Variants in PLCE1 observed in about 807,000 individuals in gnomAD.
The protein encoded by PLCE1 is 1-phosphatidylinositol 4,5-bisphosphate phosphodiesterase epsilon-1.
In PLCE1, 119 loss-of-function variants were observed where a neutral mutation model predicts 242.8. The observed-to-expected ratio is 0.49, with a 90% CI of 0.42 to 0.57. The LOEUF (loss-of-function observed/expected upper bound fraction) is 0.57, where lower values mean the gene tolerates loss of function less well. Ranked by LOEUF, PLCE1 falls within the 20% of genes least tolerant of loss-of-function variation. PLCE1 has a pLI of 0.00. For missense variants in PLCE1, 2,441 were observed against 2,788.8 expected (o/e 0.88, Z 2.81); for synonymous variants, 945 against 1,017.4 (o/e 0.93, Z 1.35).
chr10:94,283,784 T>C lies in PLCE1; in HGVS notation c.4796-6T>C. The C allele has an allele frequency of 6.2e-7, 1 of 1,610,358 alleles. No individual in the cohort carries two copies. The highest frequency in any genetic ancestry group is 8.5e-7 in the Non-Finnish European group (1 of 1,177,554). On this transcript the variant is annotated splice_region_variant and splice_polypyrimidine_tract_variant and intron_variant, in intron 20 of 32. Transcript: ENST00000371380. ...TTTTCACTGAAGTCTGCTAACTTAT[T>C]TTCAGACAACATTCTGGAAGACAGA...
intron 2 of PLCE1, among the ~76,000 whole-genome samples, chr10:94,054,406 A>G (rs1589926785): frequency 6.6e-6 from 1 of 152,194 alleles, no homozygotes; most frequent in East Asian, 1.9e-4. Flanking sequence ...GCCCATTAAC[A>G]GAACCTCCTG....
intron 2 of PLCE1, among the ~76,000 whole-genome samples, chr10:94,045,102 G>A (rs918102181): frequency 6.6e-6 from 1 of 152,114 alleles, no homozygotes; most frequent in Non-Finnish European, 1.5e-5. Flanking sequence ...CTGGGCTCAA[G>A]CAGTCCTCCT....
At chr10:94,045,540 G>A (rs2061864371) in intron 2 of PLCE1, among the ~76,000 whole-genome samples, 1 of 152,178 alleles carries the variant, frequency 6.6e-6, no homozygotes, top group Non-Finnish European at 1.5e-5. Context: ...GCTAATGATG[G>A]AAGATCCAGA....
At chr10:93,995,661 A>G (rs1343712721) in intron 1 of PLCE1, among the ~76,000 whole-genome samples, 1 of 152,246 alleles carries the variant, frequency 6.6e-6, no homozygotes, top group African/African-American at 2.4e-5. Flanking sequence ...GGAATGTATA[A>G]TGTTTACCAT....
At chr10:94,107,837 C>G (rs997185291) in intron 2 of PLCE1, 3 of 152,154 alleles carry the variant, frequency 2.0e-5, no homozygotes, top group African/African-American at 4.8e-5. Flanking sequence ...TACTTCTTAT[C>G]TCTTGAAAGT....
rs1197969336 is a variant in PLCE1, at chr10:94,032,393, T to C, written c.1206+141T>C. On this transcript the variant is annotated intron_variant, in intron 2 of 32. Transcript: ENST00000371380. ...TTCTTAGGTTAAGCATTTGTGGTTATTGAAAACAGATACTCCAATTGATAG... is the reference window on the plus strand; with the variant it reads ...TTCTTAGGTTAAGCATTTGTGGTTACTGAAAACAGATACTCCAATTGATAG... 20 of 760,594 alleles carry C rather than the reference T, an allele frequency of 2.6e-5. No homozygotes were observed. The South Asian group carries it at 3.4e-4, about 13-fold the overall frequency. 47.1% of individuals were successfully genotyped at this position (760,594 alleles called of 1,614,324 possible).
intron 2 of PLCE1, among the ~76,000 whole-genome samples, chr10:94,067,638 G>C (rs1251501828): frequency 6.6e-6 from 1 of 152,186 alleles, no homozygotes; most frequent in East Asian, 1.9e-4. Flanking sequence ...AACAGCAAAG[G>C]GCCTGAAGGG....
chr10:94,191,716 C>T, intron 4 of PLCE1, among the ~76,000 whole-genome samples: 1 of 152,126 alleles, frequency 6.6e-6, no homozygotes, highest in East Asian at 1.9e-4. Context: ...ATGGTCAAGA[C>T]AGGTACATTT....
At chr10:94,206,877 G>C (rs2049172618) in intron 4 of PLCE1, among the ~76,000 whole-genome samples, 1 of 152,132 alleles carries the variant, frequency 6.6e-6, no homozygotes, top group Non-Finnish European at 1.5e-5. Flanking sequence ...ATTTAAATAA[G>C]AGACCTCTAA....
chr10:94,118,980 G>C (rs2046223532), intron 2 of PLCE1, among the ~76,000 whole-genome samples: 1 of 152,154 alleles, frequency 6.6e-6, no homozygotes, highest in African/African-American at 2.4e-5. Flanking sequence ...CAAAAGTGGA[G>C]AGAAAGGTGA....
chr10:94,128,102 C>T (rs987340491), intron 2 of PLCE1, among the ~76,000 whole-genome samples: 1 of 151,894 alleles, frequency 6.6e-6, no homozygotes, highest in Non-Finnish European at 1.5e-5. Flanking sequence ...ATTCTCGTGC[C>T]TCAGCCTCCC....
intron 30 of PLCE1, 145 bp downstream of exon 30, chr10:94,322,204 G>C: frequency 1.3e-6 from 1 of 798,472 alleles, no homozygotes; most frequent in Non-Finnish European, 2.1e-6. Flanking sequence ...TTAAGGCTGG[G>C]AAATTGCCTC....
chr10:94,205,540 T>C (rs2049130366), intron 4 of PLCE1, among the ~76,000 whole-genome samples: 1 of 152,150 alleles, frequency 6.6e-6, no homozygotes, highest in Non-Finnish European at 1.5e-5. Context: ...ACTAAATAAA[T>C]AGAACATGGA....
intron 4 of PLCE1, among the ~76,000 whole-genome samples, chr10:94,189,159 A>T (rs2048582954): frequency 6.6e-6 from 1 of 151,152 alleles, no homozygotes; most frequent in Non-Finnish European, 1.5e-5. Flanking sequence ...AGCATTTCTC[A>T]AATATACTTA....
At chr10:94,314,192 G>A (rs996431607) in intron 28 of PLCE1, among the ~76,000 whole-genome samples, 1 of 152,212 alleles carries the variant, frequency 6.6e-6, no homozygotes, top group Non-Finnish European at 1.5e-5. Flanking sequence ...TCCAAAGGGC[G>A]AGGCAGGGCC....
At chr10:94,061,077 C>T (rs1267507879) in intron 2 of PLCE1, among the ~76,000 whole-genome samples, 1 of 152,078 alleles carries the variant, frequency 6.6e-6, no homozygotes, top group Non-Finnish European at 1.5e-5. Flanking sequence ...TACTGCCTCC[C>T]AGGGGTTCAG....
Position 94,038,210 on chromosome 10 carries a change from T to C in PLCE1, c.1206+5958T>C, listed in dbSNP as rs116222711. Among the ~76,000 whole-genome samples the C allele has an allele frequency of 6.6e-5, 10 of 152,224 alleles. No individual in the cohort carries two copies. In the East Asian group the frequency reaches 1.9e-3, roughly 29 times the overall value. On this transcript the variant is annotated intron_variant, in intron 2 of 32. Coordinates refer to ENST00000371380, the MANE Select transcript of PLCE1 (RefSeq NM_016341.4). ...GGGGTTAGAGAGGAGGTTTCCACCC[T>C]GTTGATCAAATGATTCAGCATTCAA...
chr10:94,308,202 C>CGGG (rs2133665565), intron 26 of PLCE1, among the ~76,000 whole-genome samples: 1 of 152,308 alleles, frequency 6.6e-6, no homozygotes, highest in African/African-American at 2.4e-5. Flanking sequence ...AAATTATAAC[C>CGGG]AATCTTCCAT....
At chr10:94,085,753 G>T (rs906909423) in intron 2 of PLCE1, among the ~76,000 whole-genome samples, 4 of 152,162 alleles carry the variant, frequency 2.6e-5, no homozygotes, top group African/African-American at 7.2e-5. Context: ...TGCCAGAACG[G>T]CCACTAGCAG....
Sources: allele counts gnomAD v4.1 joint callset (sites outside exome capture counted in the v4.1 genomes callset), GRCh38; gene constraint gnomAD v4.1.1; transcripts MANE v1.5; gene names NCBI Gene and HGNC (gene_info 2026-07-23, HGNC 2026-07-21).